TIE1: variants seen among roughly 807,000 people sequenced by gnomAD.
TIE1 encodes the protein tyrosine kinase with immunoglobulin like and EGF like domains 1.
TIE1 carries 89 observed loss-of-function variants against 130.5 expected under a neutral mutation model. The ratio of observed to expected loss-of-function variants is 0.68; its 90% confidence interval spans 0.57 to 0.81. The LOEUF is 0.81. Among genes scored for constraint, TIE1 ranks in the 40% least tolerant of loss-of-function variants. TIE1 has a pLI of 0.00. For synonymous variants in TIE1, 568 were observed against 629.4 expected (o/e 0.90, Z 1.46); for missense variants, 1,392 against 1,559.8 (o/e 0.89, Z 1.81).
rs1292389643 is a variant in TIE1 at position 43,312,569 on chromosome 1, C to T, written c.1895C>T (p.Ser632Leu). The T allele has an allele frequency of 9.9e-6, 16 of 1,611,398 alleles. No individual in the cohort carries two copies. The highest frequency in any genetic ancestry group is 2.2e-5 in the East Asian group (1 of 44,874). The change falls in exon 12 of 23, where the codon TCG (serine) becomes TTG (leucine). Residue 632 changes from serine (S) to leucine (L), a missense_variant. Coordinates refer to ENST00000372476, the MANE Select transcript of TIE1 (RefSeq NM_005424.5). The surrounding 1 kb of genome is among the most constrained non-coding windows in gnomAD (Gnocchi z 5.6). The part of the protein sequence containing the change: ...LYHCTLLGPA[S>L]PPAHVLLPPS... ...CACTGCACCCTCCTGGGCCCGGCCT[C>T]GCCCCCTGCACACGTGCTTCTGCCC... is the stretch of plus-strand genomic sequence containing the variant.
chr1:43,305,191 C>A, intron 2 of TIE1, 26 bp downstream of exon 2: 2 of 1,613,798 alleles, frequency 1.2e-6, no homozygotes, highest in Non-Finnish European at 1.7e-6. Context: ...GGGGGGATGG[C>A]GCGGGGAAAA....
Position 43,313,006 on chromosome 1 carries a change from G to T in TIE1, c.1928-129G>T, listed in dbSNP as rs1054918159. ...AGGAATTCAGTCTGGTGGGGAGGAG[G>T]AAGTTGGCAGGGTGGCCCCTGTGCT... On this transcript the variant is annotated intron_variant, in intron 12 of 22. Coordinates refer to ENST00000372476, the MANE Select transcript of TIE1 (RefSeq NM_005424.5). This position sits in a 1 kb window ranked among gnomAD's most constrained non-coding sequence, Gnocchi z 6.2. The T allele has an allele frequency of 2.8e-6, 3 of 1,079,144 alleles. No homozygotes were observed. The African/African-American group carries it at 4.7e-5, about 17-fold the overall frequency. The allele number at this position is 1,079,144 out of a possible 1,614,324, so 66.8% of individuals were successfully genotyped here.
At chr1:43,304,404 G>A (rs949443080) in intron 1 of TIE1, among the ~76,000 whole-genome samples, 13 of 152,202 alleles carry the variant, frequency 8.5e-5, no homozygotes. Flanking sequence ...GTGGAGGCAG[G>A]GAGAAGTGGC....
In TIE1 at chr1:43,309,232, C is replaced by T. The variant is rs1317631791; in HGVS notation, c.1188+101C>T. 1.3e-6 allele frequency: 2 copies of T among 1,510,326 alleles called. No individual in the cohort carries two copies. The highest frequency in any genetic ancestry group is 1.8e-6 in the Non-Finnish European group (2 of 1,127,060). 93.6% of individuals were successfully genotyped at this position (1,510,326 alleles called of 1,614,324 possible). On this transcript the variant is annotated intron_variant, in intron 8 of 22. Coordinates refer to ENST00000372476, the MANE Select transcript of TIE1 (RefSeq NM_005424.5). This position sits in a 1 kb window ranked among gnomAD's most constrained non-coding sequence, Gnocchi z 6.3. Reference sequence around the variant, plus strand: ...CCCTCAGAACTTTCTGCAGGGCCCACCCATTGGCCTGACCATTGCTCACAT... The same window carrying T: ...CCCTCAGAACTTTCTGCAGGGCCCATCCATTGGCCTGACCATTGCTCACAT...
rs1312525363 is a variant in TIE1 at position 43,306,249 on chromosome 1, G to A, written c.485-591G>A. Among the ~76,000 whole-genome samples the A allele has an allele frequency of 6.6e-6, 1 of 152,202 alleles. No individual in the cohort carries two copies. Among genetic ancestry groups the A allele is most frequent in the Non-Finnish European group, 1.5e-5 (1 of 68,042 alleles). ...GCCTTCCAGGAGGAGGGACTGAGAA[G>A]AGCAGTAGGGTCTGAAACACAAGGG... On this transcript the variant is annotated intron_variant, in intron 3 of 22. Transcript: ENST00000372476. The surrounding 1 kb of genome is among the most constrained non-coding windows in gnomAD (Gnocchi z 4.9).
rs1400388723 is a variant in TIE1, at chr1:43,307,126, A to G, written c.641-16A>G. The G allele has an allele frequency of 1.2e-6, 2 of 1,613,816 alleles. No homozygotes were observed. The highest frequency in any genetic ancestry group is 1.7e-6 in the Non-Finnish European group (2 of 1,179,986). ...CAGGTGGGTGAGGGTCAGCTGCTGAAGACACCTTCCTCCAGGTTGTGGGGC... is the reference window on the plus strand; with the variant it reads ...CAGGTGGGTGAGGGTCAGCTGCTGAGGACACCTTCCTCCAGGTTGTGGGGC... On this transcript the variant is annotated splice_polypyrimidine_tract_variant and intron_variant, in intron 4 of 22. Transcript: ENST00000372476. The surrounding 1 kb of genome is among the most constrained non-coding windows in gnomAD (Gnocchi z 5.4).
rs764858819 is a variant in TIE1 at position 43,318,091 on chromosome 1, G to A, written c.2922+19G>A. ...GAAGCAGGTGTGTGTGAGTGGGGGC[G>A]GGTGGAGGCCAGAGGGGGAAGCCAC... On this transcript the variant is annotated intron_variant, in intron 17 of 22. Coordinates refer to ENST00000372476, the MANE Select transcript of TIE1 (RefSeq NM_005424.5). This position sits in a 1 kb window ranked among gnomAD's most constrained non-coding sequence, Gnocchi z 4.4. The A allele has an allele frequency of 2.2e-5, 34 of 1,524,480 alleles. No homozygotes were observed. The highest frequency in any genetic ancestry group is 2.8e-5 in the Non-Finnish European group (32 of 1,135,938). 94.4% of individuals were successfully genotyped at this position (1,524,480 alleles called of 1,614,324 possible).
In TIE1 at chr1:43,306,291, A is replaced by G. The variant is rs768332268; in HGVS notation, c.485-549A>G. The stretch of plus-strand genomic sequence containing the variant: ...ACACAAGGGTGTTTCTAGAAGAGAA[A>G]CAATCCATTCAGGAATTCAGGAATG... On this transcript the variant is annotated intron_variant, in intron 3 of 22. Coordinates refer to ENST00000372476, the MANE Select transcript of TIE1 (RefSeq NM_005424.5). This position sits in a 1 kb window ranked among gnomAD's most constrained non-coding sequence, Gnocchi z 4.9. 1.9e-4 allele frequency among the ~76,000 whole-genome samples: 29 copies of G among 152,190 alleles called. No individual in the cohort carries two copies. Among genetic ancestry groups the G allele is most frequent in the Non-Finnish European group, 2.4e-4 (16 of 68,022 alleles).
rs562769700 is a variant in TIE1, at chr1:43,307,804, C to T, written c.922C>T (p.Pro308Ser). Residue 308 changes from proline to serine, a missense_variant, in exon 7 of 23, where the codon CCT becomes TCT. Pro to Ser is a moderately conservative substitution (Grantham distance 74). Coordinates refer to ENST00000372476, the MANE Select transcript of TIE1 (RefSeq NM_005424.5). This position sits in a 1 kb window ranked among gnomAD's most constrained non-coding sequence, Gnocchi z 5.4. ...ACCTCCTCTATTCCCAGCTTGTGCC[C>T]CTGGTCATTTTGGGGCTGATTGCCG... is the stretch of plus-strand genomic sequence containing the variant. ...RGSQCQEACA[P>S]GHFGADCRLQ... is the part of the protein sequence containing the mutation. 53 of 1,614,158 alleles carry T rather than the reference C, an allele frequency of 3.3e-5. No homozygotes were observed. The South Asian group carries it at 5.7e-4, about 17-fold the overall frequency.
In TIE1 at chr1:43,311,843, G is replaced by C. The variant is rs764013594; in HGVS notation, c.1492+14G>C. On this transcript the variant is annotated intron_variant, in intron 10 of 22. Coordinates refer to ENST00000372476, the MANE Select transcript of TIE1 (RefSeq NM_005424.5). ...CGACCATTGTGGGTGAGTAGGGAGAGAGCTGGGGCAGGACAGAGGTGTTGG... is the reference window on the plus strand; with the variant it reads ...CGACCATTGTGGGTGAGTAGGGAGACAGCTGGGGCAGGACAGAGGTGTTGG... The C allele has an allele frequency of 2.5e-6, 4 of 1,611,382 alleles. No individual in the cohort carries two copies. In the South Asian group the frequency reaches 4.4e-5, roughly 18 times the overall value.
rs1646761475 is a variant in TIE1, at chr1:43,309,050, G to A, written c.1107G>A (p.Arg369=). 1 of 1,613,916 alleles carries A rather than the reference G, an allele frequency of 6.2e-7. No individual in the cohort carries two copies. Residue 369 remains arginine (R), a synonymous_variant, in exon 8 of 23, where the codon CGG becomes CGA. Coordinates refer to ENST00000372476, the MANE Select transcript of TIE1 (RefSeq NM_005424.5). This position sits in a 1 kb window ranked among gnomAD's most constrained non-coding sequence, Gnocchi z 6.3. ...ELEFNLETMP[R]INCAAAGNPF... ...AGTTCAACTTAGAGACGATGCCCCG[G>A]ATCAACTGTGCAGCTGCAGGGAACC...
intron 9 of TIE1, among the ~76,000 whole-genome samples, chr1:43,311,263 G>A (rs565803331): frequency 2.2e-4 from 33 of 152,156 alleles, no homozygotes; most frequent in Admixed American, 3.9e-4. Context: ...AGCGTGTGGC[G>A]GGGAGCAGGT....
chr1:43,311,528 CTG>C (rs1053962515), intron 9 of TIE1, 141 bp from the exon 10 acceptor site: 3 of 1,114,346 alleles, frequency 2.7e-6, no homozygotes, highest in Non-Finnish European at 3.8e-6. Context: ...GGCCTGAACT[CTG>C]TCCTCCCTGG....
chr1:43,312,348 C>T lies in TIE1; in HGVS notation c.1674C>T (p.Gly558=). The change falls in exon 12 of 23, where the codon GGC becomes GGT. Residue 558 remains glycine, a synonymous_variant. Transcript: ENST00000372476. This position sits in a 1 kb window ranked among gnomAD's most constrained non-coding sequence, Gnocchi z 5.6. ...GGTTGGAGGGCTGGCATGTGGAAGG[C>T]ACTGACCGGCTGCGAGTGAGCTGGT... is the stretch of plus-strand genomic sequence containing the variant. ...QPWLEGWHVE[G]TDRLRVSWSL... 6.4e-7 allele frequency: 1 copy of T among 1,571,744 alleles called. No homozygotes were observed. Among genetic ancestry groups the T allele is most frequent in the Non-Finnish European group, 8.6e-7 (1 of 1,157,242 alleles).
At chr1:43,314,026 C>G (rs1352263447) in intron 14 of TIE1, 58 bp downstream of exon 14, 2 of 1,563,570 alleles carry the variant, frequency 1.3e-6, no homozygotes, top group African/African-American at 2.7e-5. Flanking sequence ...ATGTTTCTAC[C>G]TGTGTACACA....
In TIE1 at chr1:43,318,031, A is replaced by G. The variant is rs1227681981; in HGVS notation, c.2881A>G (p.Ser961Gly). The G allele has an allele frequency of 1.3e-6, 2 of 1,583,654 alleles. No homozygotes were observed. The highest frequency in any genetic ancestry group is 1.3e-5 in the African/African-American group (1 of 74,230). ...CTCCCGGCAGCTGCTGCGTTTCGCC[A>G]GTGATGCGGCCAATGGCATGCAGTA... ...LSSRQLLRFA[S>G]DAANGMQYLS... is the part of the protein sequence containing the mutation. Residue 961 changes from serine to glycine, a missense_variant, in exon 17 of 23, where the codon AGT becomes GGT. Transcript: ENST00000372476. This position sits in a 1 kb window ranked among gnomAD's most constrained non-coding sequence, Gnocchi z 4.4.
At position 43,313,350 on chromosome 1, in the gene TIE1, C is replaced by G. The variant is rs1297020532; in HGVS notation, c.2143C>G (p.Leu715Val). The G allele has an allele frequency of 6.2e-7, 1 of 1,614,046 alleles. No individual in the cohort carries two copies. Among genetic ancestry groups the G allele is most frequent in the South Asian group, 1.1e-5 (1 of 91,084 alleles). The stretch of plus-strand genomic sequence containing the variant: ...TGGCCTCAACGCCAGCACGCGCTAC[C>G]TCTTCCGCATGCGGGCCAGCATTCA... Reference protein sequence around the residue: ...IRGLNASTRYLFRMRASIQGL... With the variant: ...IRGLNASTRYVFRMRASIQGL... Residue 715 changes from leucine to valine, a missense_variant, in exon 13 of 23, where the codon CTC becomes GTC. Leu to Val is a conservative substitution (Grantham distance 32). This residue lies in a region of TIE1 where 551 missense variants were observed against 565.5 expected (regional missense o/e 0.97). Transcript: ENST00000372476. This position sits in a 1 kb window ranked among gnomAD's most constrained non-coding sequence, Gnocchi z 6.2.
rs957498824 is a variant in TIE1, at chr1:43,319,534, G to A, written c.3107+5G>A. On this transcript the variant is annotated splice_donor_5th_base_variant and intron_variant, in intron 19 of 22. Transcript: ENST00000372476. This position sits in a 1 kb window ranked among gnomAD's most constrained non-coding sequence, Gnocchi z 4.7. Reference sequence around the variant, plus strand: ...CTATACCACCAAGAGTGATGTGTGAGTGTGAGATGAGAGGGCACAGGAGGG... The same window carrying A: ...CTATACCACCAAGAGTGATGTGTGAATGTGAGATGAGAGGGCACAGGAGGG... 3 of 1,613,844 alleles carry A rather than the reference G, an allele frequency of 1.9e-6. No individual in the cohort carries two copies. The highest frequency in any genetic ancestry group is 1.3e-5 in the African/African-American group (1 of 74,882).
At position 43,307,401 on chromosome 1, in the gene TIE1, G is replaced by A. The variant is rs370673211; in HGVS notation, c.773-31G>A. ...GGTCCTGGGCCCAGGGGCCCACAGAGGCCCATACACCCCACACACTCTCTT... is the reference window on the plus strand; with the variant it reads ...GGTCCTGGGCCCAGGGGCCCACAGAAGCCCATACACCCCACACACTCTCTT... On this transcript the variant is annotated intron_variant, in intron 5 of 22. Coordinates refer to ENST00000372476, the MANE Select transcript of TIE1 (RefSeq NM_005424.5). The surrounding 1 kb of genome is among the most constrained non-coding windows in gnomAD (Gnocchi z 5.4). 7 of 1,613,236 alleles carry A rather than the reference G, an allele frequency of 4.3e-6. No homozygotes were observed. The highest frequency in any genetic ancestry group is 5.9e-6 in the Non-Finnish European group (7 of 1,179,624).
Sources: allele counts gnomAD v4.1 joint callset (sites outside exome capture counted in the v4.1 genomes callset), GRCh38; gene constraint gnomAD v4.1.1; regional missense constraint gnomAD v4.1.1; non-coding constraint Gnocchi (gnomAD v3.1); transcripts MANE v1.5; gene names NCBI Gene and HGNC (gene_info 2026-07-23, HGNC 2026-07-21).